Variants in CDC42BPB observed in about 807,000 individuals in gnomAD.
The protein encoded by CDC42BPB is serine/threonine-protein kinase MRCK beta.
CDC42BPB carries 37 observed loss-of-function variants against 214.9 expected under a neutral mutation model. The observed-to-expected ratio is 0.17, with a 90% CI of 0.13 to 0.23. CDC42BPB has a LOEUF of 0.23. Ranked by LOEUF, CDC42BPB falls within the 10% of genes least tolerant of loss-of-function variation. The pLI is 1.00. For missense variants in CDC42BPB, 1,694 were observed against 2,227.0 expected, an observed-to-expected ratio of 0.76 and a Z score of 4.82; for synonymous variants, 931 against 884.0, an observed-to-expected ratio of 1.05 and a Z score of -0.94.
Position 102,975,796 on chromosome 14 carries a change from G to C in CDC42BPB, c.1395C>G (p.Thr465=), listed in dbSNP as rs200614410. The C allele has an allele frequency of 6.2e-7, 1 of 1,614,206 alleles. No individual in the cohort carries two copies. Among genetic ancestry groups the C allele is most frequent in the African/African-American group, 1.3e-5 (1 of 75,062 alleles). The change falls in exon 11 of 37, where the codon ACC becomes ACG. Residue 465 remains threonine, a synonymous_variant. Transcript: ENST00000361246. ...AGCCGTGGAGGGACTGCACGGTCTG[G>C]GTGGACTCTGAGGGATGGAGAGACA... ...LELSRKLQES[T]QTVQSLHGSS...
In CDC42BPB at chr14:102,963,412, C is replaced by T. The variant is rs1893046510; in HGVS notation, c.2727-257G>A. On this transcript the variant is annotated intron_variant, in intron 19 of 36. Transcript: ENST00000361246. ...CATGAAGGCCTAATGGAGCTCTTGA[C>T]CTTCCTAATCTTGTTCCCAGGCGAG... is the stretch of plus-strand genomic sequence containing the variant. The T allele has an allele frequency of 1.1e-5, 4 of 380,472 alleles. No individual in the cohort carries two copies. In the South Asian group the frequency reaches 4.2e-4, roughly 40 times the overall value. 23.6% of individuals were successfully genotyped at this position (380,472 alleles called of 1,614,324 possible). A position where few individuals can be genotyped will look rare whatever the true frequency, so the allele number is the denominator to read the frequency against.
At chr14:102,986,614 T>C in intron 5 of CDC42BPB, 34 bp from the exon 6 acceptor site, 1 of 1,606,164 alleles carries the variant, frequency 6.2e-7, no homozygotes, top group Non-Finnish European at 8.5e-7. Flanking sequence ...ATTAACCATC[T>C]CCATGCAACA....
intron 1 of CDC42BPB, among the ~76,000 whole-genome samples, chr14:103,048,487 G>C (rs1238846125): frequency 1.5e-5 from 2 of 131,072 alleles, no homozygotes; most frequent in East Asian, 2.4e-4. Context: ...AGGAGATGGA[G>C]ACCATCCTGG....
chr14:103,041,823 C>G (rs1407604515), intron 1 of CDC42BPB: 2 of 408,208 alleles, frequency 4.9e-6, no homozygotes, highest in Non-Finnish European at 9.5e-6. Context: ...TGAAGGAGCA[C>G]CACTCCAACC....
intron 5 of CDC42BPB, among the ~76,000 whole-genome samples, chr14:102,991,158 C>A (rs1894471812): frequency 6.6e-6 from 1 of 152,234 alleles, no homozygotes; most frequent in Non-Finnish European, 1.5e-5. Context: ...AAAATCTTAA[C>A]TGCGTGATGG....
chr14:102,994,969 C>T (rs544890862), intron 5 of CDC42BPB, among the ~76,000 whole-genome samples: 4 of 152,334 alleles, frequency 2.6e-5, no homozygotes, highest in South Asian at 2.1e-4. Context: ...ATCTTCTCTC[C>T]GAGGTTTTCT....
At chr14:102,935,967 A>G (rs1357251907) in intron 36 of CDC42BPB, among the ~76,000 whole-genome samples, 2 of 152,314 alleles carry the variant, frequency 1.3e-5, no homozygotes, top group Non-Finnish European at 2.9e-5. Context: ...ATTTCTCTAA[A>G]GAAGGTACGG....
chr14:102,996,852 A>C (rs1290470599), intron 5 of CDC42BPB, among the ~76,000 whole-genome samples: 1 of 151,838 alleles, frequency 6.6e-6, no homozygotes, highest in Admixed American at 6.6e-5. Flanking sequence ...TTATAAAAGC[A>C]AGCATAACTA....
intron 24 of CDC42BPB, 105 bp from the exon 25 acceptor site, chr14:102,950,707 T>G: frequency 7.2e-7 from 1 of 1,382,816 alleles, no homozygotes; most frequent in South Asian, 1.7e-5. Flanking sequence ...AGGTCTCGCC[T>G]GGAATCCCAG....
At chr14:103,008,588 G>A (rs758754676) in intron 2 of CDC42BPB, 33 bp from the exon 3 acceptor site, 94 of 1,588,174 alleles carry the variant, frequency 5.9e-5, no homozygotes, top group African/African-American at 1.1e-4. Context: ...ACAAAGATGC[G>A]GTTCTTGAAC....
chr14:102,981,051 C>T (rs1015591189), intron 7 of CDC42BPB, 30 bp from the exon 8 acceptor site: 22 of 1,613,254 alleles, frequency 1.4e-5, no homozygotes, highest in Non-Finnish European at 1.8e-5. Flanking sequence ...CACCGGTGGA[C>T]AGGTGGACGC....
intron 3 of CDC42BPB, among the ~76,000 whole-genome samples, chr14:103,007,199 G>C (rs765940073): frequency 3.9e-5 from 6 of 152,220 alleles, no homozygotes; most frequent in Admixed American, 1.3e-4. Flanking sequence ...CTACAAAATG[G>C]TGCTAACTCT....
chr14:102,975,169 G>A (rs34900267), intron 11 of CDC42BPB, among the ~76,000 whole-genome samples: 2,906 of 152,280 alleles, frequency 0.019, 35 homozygotes, highest in Middle Eastern at 0.024. Context: ...GCCAGAGAAC[G>A]TACAGATAAA....
rs987917081 is a variant in CDC42BPB, at chr14:102,938,503, G to A, written c.4828-92C>T. 59 of 1,470,092 alleles carry A rather than the reference G, an allele frequency of 4.0e-5. No individual in the cohort carries two copies. The Admixed American group carries it at 4.3e-4, about 11-fold the overall frequency. 91.1% of individuals were successfully genotyped at this position (1,470,092 alleles called of 1,614,324 possible). Reference sequence around the variant, plus strand: ...TGCAACCTACGGTGGCTGTGGCCTCGTGACCTTGATGAGCAAAATGGGGGC... The same window carrying A: ...TGCAACCTACGGTGGCTGTGGCCTCATGACCTTGATGAGCAAAATGGGGGC... On this transcript the variant is annotated intron_variant, in intron 34 of 36. Transcript: ENST00000361246.
At chr14:102,947,143 G>C (rs912317114) in intron 27 of CDC42BPB, among the ~76,000 whole-genome samples, 1 of 152,178 alleles carries the variant, frequency 6.6e-6, no homozygotes, top group Non-Finnish European at 1.5e-5. Context: ...GTATGACAGG[G>C]TTGTTTCTGA....
chr14:103,014,465 T>G (rs774422903), intron 1 of CDC42BPB, among the ~76,000 whole-genome samples: 30 of 152,214 alleles, frequency 2.0e-4, no homozygotes, highest in Non-Finnish European at 4.0e-4. Context: ...CTGGGGGAAC[T>G]GAGTGAAGTG....
chr14:102,991,205 C>A (rs922400516), intron 5 of CDC42BPB, among the ~76,000 whole-genome samples: 4 of 152,170 alleles, frequency 2.6e-5, no homozygotes, highest in Non-Finnish European at 5.9e-5. Flanking sequence ...ATATTGTACA[C>A]CTGTGGAAAT....
At chr14:102,940,775 ACTGCTGACCTCTGGG>A (rs1310791404) in intron 30 of CDC42BPB, 2 of 232,450 alleles carry the variant, frequency 8.6e-6, no homozygotes, top group African/African-American at 4.5e-5. Flanking sequence ...CACAGAAACC[ACTGCTGACCTCTGGG>A]CAACAACCCT....
At chr14:102,999,466 C>A in intron 5 of CDC42BPB, 99 bp downstream of exon 5, 2 of 1,226,058 alleles carry the variant, frequency 1.6e-6, no homozygotes, top group East Asian at 2.3e-5. Context: ...GGACTCGCTA[C>A]CTACATGGCT....
Sources: allele counts gnomAD v4.1 joint callset (sites outside exome capture counted in the v4.1 genomes callset), GRCh38; gene constraint gnomAD v4.1.1; transcripts MANE v1.5; gene names NCBI Gene and HGNC (gene_info 2026-07-23, HGNC 2026-07-21).